NCK2: variants seen among roughly 807,000 people sequenced by gnomAD.
NCK2 encodes the protein cytoplasmic protein NCK2.
A neutral mutation model predicts 33.9 loss-of-function variants in NCK2; 16 were observed. The ratio of observed to expected loss-of-function variants is 0.47; its 90% CI spans 0.32 to 0.72. The LOEUF (loss-of-function observed/expected upper bound fraction) is 0.72, where lower values mean the gene tolerates loss of function less well. NCK2 is among the 30% of genes least tolerant of loss of function. The pLI is 0.03. For synonymous variants in NCK2, 273 were observed against 239.9 expected (o/e 1.14, Z -1.27); for missense variants, 418 against 537.3 (o/e 0.78, Z 2.19).
At chr2:105,776,180 C>G (rs996389451) in intron 1 of NCK2, among the ~76,000 whole-genome samples, 1 of 152,182 alleles carries the variant, frequency 6.6e-6, no homozygotes, top group Admixed American at 6.5e-5. Flanking sequence ...CCATTCGCTC[C>G]CACTTCCTGT....
At chr2:105,856,010 A>AT (rs1393391407) in intron 3 of NCK2, among the ~76,000 whole-genome samples, 1 of 151,902 alleles carries the variant, frequency 6.6e-6, no homozygotes, top group Non-Finnish European at 1.5e-5. Context: ...AATTTTTTGT[A>AT]TTTTTAGTAG....
intron 3 of NCK2, among the ~76,000 whole-genome samples, chr2:105,866,612 C>A (rs1199897887): frequency 6.6e-6 from 1 of 152,218 alleles, no homozygotes; most frequent in African/African-American, 2.4e-5. Context: ...AGTGTTTGCG[C>A]TCCTGTGAGA....
intron 2 of NCK2, among the ~76,000 whole-genome samples, chr2:105,822,494 C>T (rs181139176): frequency 6.6e-6 from 1 of 152,142 alleles, no homozygotes; most frequent in Admixed American, 6.5e-5. Context: ...TCCCACAGCG[C>T]CCCTGTTCAG....
At chr2:105,754,797 G>GAGTT (rs922354597) in intron 1 of NCK2, among the ~76,000 whole-genome samples, 1 of 151,970 alleles carries the variant, frequency 6.6e-6, no homozygotes, top group African/African-American at 2.4e-5. Context: ...GGGATTCAGG[G>GAGTT]AGTTATTTTG....
chr2:105,868,209 CA>C (rs1311328919), intron 3 of NCK2, among the ~76,000 whole-genome samples: 1 of 152,218 alleles, frequency 6.6e-6, no homozygotes, highest in Non-Finnish European at 1.5e-5. Context: ...TGCATTGACT[CA>C]TGTCAGTTTT....
In NCK2 at chr2:105,765,685, A is replaced by T. The variant is rs191456847; in HGVS notation, c.-201+20547A>T. Among the ~76,000 whole-genome samples the T allele has an allele frequency of 4.0e-4, 60 of 151,154 alleles. 2 individuals are homozygous for T. The East Asian group carries it at 0.01, about 26-fold the overall frequency. On this transcript the variant is annotated intron_variant, in intron 1 of 4. Coordinates refer to ENST00000233154, the MANE Select transcript of NCK2 (RefSeq NM_003581.5). ...TAGTGGGTTTTTTTTTTAATTACTA[A>T]TATGTTCCTTAAAGACATTTTCAGA...
chr2:105,890,068 A>G (rs979734302), intron 4 of NCK2, among the ~76,000 whole-genome samples: 1 of 152,186 alleles, frequency 6.6e-6, no homozygotes, highest in Non-Finnish European at 1.5e-5. Flanking sequence ...CAGAAAATCT[A>G]CTTAGTTTAA....
upstream of NCK2, among the ~76,000 whole-genome samples, chr2:105,744,679 C>T (rs1330017147): frequency 6.6e-6 from 1 of 151,682 alleles, no homozygotes; most frequent in Non-Finnish European, 1.5e-5. Flanking sequence ...GCTATCCCGG[C>T]GCCCGTACCG....
intron 2 of NCK2, among the ~76,000 whole-genome samples, chr2:105,836,424 G>A (rs1304038652): frequency 6.6e-6 from 1 of 152,130 alleles, no homozygotes. Context: ...GGCTTAAGCT[G>A]AAGTTGGTTT....
intron 2 of NCK2, among the ~76,000 whole-genome samples, chr2:105,819,928 T>A (rs1222363664): frequency 6.6e-6 from 1 of 150,960 alleles, no homozygotes; most frequent in Admixed American, 6.6e-5. Context: ...AAAAAAAAAA[T>A]AGATAAAATA....
Position 105,799,655 on chromosome 2 carries a change from A to C in NCK2, c.-200-16775A>C, listed in dbSNP as rs12464067. ...AAACAAAACGGAATACCACTATATGAAAGCCTATAAAAAGCTAATTACCAT... is the reference window on the plus strand; with the variant it reads ...AAACAAAACGGAATACCACTATATGCAAGCCTATAAAAAGCTAATTACCAT... On this transcript the variant is annotated intron_variant, in intron 1 of 4. Coordinates refer to ENST00000233154, the MANE Select transcript of NCK2 (RefSeq NM_003581.5). Among the ~76,000 whole-genome samples the C allele has an allele frequency of 8.4e-4, 128 of 152,202 alleles. 1 individual carries two copies. The highest frequency in any genetic ancestry group is 2.9e-4 in the Non-Finnish European group (20 of 67,972).
intron 2 of NCK2, among the ~76,000 whole-genome samples, chr2:105,819,777 C>T (rs1675651990): frequency 6.6e-6 from 1 of 152,168 alleles, no homozygotes; most frequent in Non-Finnish European, 1.5e-5. Context: ...CTTGATTCAC[C>T]TATTAAAATT....
chr2:105,891,481 G>A (rs894023492), intron 4 of NCK2, among the ~76,000 whole-genome samples: 5 of 139,826 alleles, frequency 3.6e-5, no homozygotes, highest in East Asian at 2.1e-4. Flanking sequence ...AACATTTATC[G>A]TTCAGTATCT....
At chr2:105,788,206 A>T (rs1010458761) in intron 1 of NCK2, among the ~76,000 whole-genome samples, 4 of 152,184 alleles carry the variant, frequency 2.6e-5, no homozygotes, top group African/African-American at 9.7e-5. Context: ...TGAATTGGAG[A>T]CAAAAGTTAG....
rs532866291 is a variant in NCK2 at position 105,798,201 on chromosome 2, T to C, written c.-200-18229T>C. On this transcript the variant is annotated intron_variant, in intron 1 of 4. Transcript: ENST00000233154. ...TTGTTTTCTTCTGATATGATGATTT[T>C]GTTGAAAAAATGTATTTGAAAGAGT... Among the ~76,000 whole-genome samples, 8 of 152,352 alleles carry C rather than the reference T, an allele frequency of 5.3e-5. No individual in the cohort carries two copies. The South Asian group carries it at 1.2e-3, about 24-fold the overall frequency.
At chr2:105,745,865 G>C (rs553290093) in intron 1 of NCK2, 1 of 152,340 alleles carries the variant, frequency 6.6e-6, no homozygotes, top group African/African-American at 2.4e-5. Flanking sequence ...TAATCACCGA[G>C]TGCTTTTGGA....
intron 3 of NCK2, among the ~76,000 whole-genome samples, chr2:105,873,466 A>G (rs1678099655): frequency 6.6e-6 from 1 of 152,130 alleles, no homozygotes; most frequent in Admixed American, 6.5e-5. Flanking sequence ...GGAAACATGC[A>G]CGCCACCCAG....
chr2:105,881,903 C>A lies in NCK2; in HGVS notation c.802C>A (p.Gln268Lys). ...TGCCCTGCACCCTGCGCACGCCCCA[C>A]AGATAAGCTACACCGGGCCCTCGTC... ...GPALHPAHAP[Q>K]ISYTGPSSSG... Residue 268 changes from glutamine to lysine, a missense_variant, in exon 4 of 5, where the codon CAG becomes AAG. Gln to Lys is a moderately conservative substitution (Grantham distance 53). Coordinates refer to ENST00000233154, the MANE Select transcript of NCK2 (RefSeq NM_003581.5). The A allele has an allele frequency of 6.4e-7, 1 of 1,568,926 alleles. No homozygotes were observed. The highest frequency in any genetic ancestry group is 8.6e-7 in the Non-Finnish European group (1 of 1,158,038).
chr2:105,873,704 A>G (rs1003316204), intron 3 of NCK2, among the ~76,000 whole-genome samples: 2 of 152,198 alleles, frequency 1.3e-5, no homozygotes, highest in African/African-American at 4.8e-5. Flanking sequence ...AGTCAACTCA[A>G]AAGTAACTGA....
Sources: allele counts gnomAD v4.1 joint callset (sites outside exome capture counted in the v4.1 genomes callset), GRCh38; gene constraint gnomAD v4.1.1; transcripts MANE v1.5; gene names NCBI Gene and HGNC (gene_info 2026-07-23, HGNC 2026-07-21).